DCDC1: variants seen among roughly 807,000 people sequenced by gnomAD.
DCDC1 encodes the protein doublecortin domain-containing protein 1.
DCDC1 carries 200 observed loss-of-function variants against 178.3 expected under a neutral mutation model. That is an observed-to-expected ratio of 1.12 (90% CI 1.00 to 1.26). The LOEUF is 1.26. Ranked by LOEUF, DCDC1 falls within the 50% of genes most tolerant of loss-of-function variation. The pLI, the probability that DCDC1 is intolerant of heterozygous loss-of-function variation, is 0.00. For synonymous variants in DCDC1, 690 were observed against 604.8 expected, an observed-to-expected ratio of 1.14 and a Z score of -2.07; for missense variants, 1,983 against 1,749.2, an observed-to-expected ratio of 1.13 and a Z score of -2.38.
intron 8 of DCDC1, among the ~76,000 whole-genome samples, chr11:31,247,065 C>A (rs974129299): frequency 6.6e-6 from 1 of 152,070 alleles, no homozygotes; most frequent in African/African-American, 2.4e-5. Context: ...TTGATTTGTA[C>A]GACAGGATCA....
At chr11:30,947,755 A>C (rs1179600092) in intron 21 of DCDC1, among the ~76,000 whole-genome samples, 1 of 152,192 alleles carries the variant, frequency 6.6e-6, no homozygotes, top group Admixed American at 6.5e-5. Flanking sequence ...ACAGCAAACG[A>C]AACAATCAAC....
At chr11:31,034,460 C>T (rs1186560927) in intron 20 of DCDC1, among the ~76,000 whole-genome samples, 2 of 152,186 alleles carry the variant, frequency 1.3e-5, no homozygotes, top group Non-Finnish European at 2.9e-5. Flanking sequence ...TTCAGCCCTA[C>T]AAGCTCCATT....
intron 2 of DCDC1, among the ~76,000 whole-genome samples, chr11:31,334,308 T>C (rs914416267): frequency 6.6e-5 from 10 of 152,234 alleles, no homozygotes; most frequent in Non-Finnish European, 1.3e-4. Flanking sequence ...TTTAGCTTCC[T>C]TGCAATGGGT....
At chr11:31,228,586 A>G (rs1975323201) in intron 9 of DCDC1, among the ~76,000 whole-genome samples, 1 of 152,036 alleles carries the variant, frequency 6.6e-6, no homozygotes, top group Non-Finnish European at 1.5e-5. Flanking sequence ...TAAATAGCAG[A>G]CCAAAAATAG....
Position 31,166,440 on chromosome 11 carries a change from G to C in DCDC1, c.1222-28656C>G, listed in dbSNP as rs79212749. 8.3e-3 allele frequency among the ~76,000 whole-genome samples: 1,260 copies of C among 152,250 alleles called. 22 individuals are homozygous for C. Among genetic ancestry groups the C allele is most frequent in the African/African-American group, 0.029 (1,206 of 41,548 alleles). ...TACAGCAGAGGGAATGCACCTTAAT[G>C]TATGCAAATTTAAAAATAAAAATAT... is the stretch of plus-strand genomic sequence containing the variant. On this transcript the variant is annotated intron_variant, in intron 9 of 38. Coordinates refer to ENST00000684477, the MANE Select transcript of DCDC1 (RefSeq NM_001387274.1).
At chr11:30,964,922 G>C (rs1256765803) in intron 20 of DCDC1, among the ~76,000 whole-genome samples, 1 of 152,118 alleles carries the variant, frequency 6.6e-6, no homozygotes, top group Non-Finnish European at 1.5e-5. Context: ...TCAGAGGTAT[G>C]AGAGGACATA....
At chr11:31,196,397 C>T (rs1970698740) in intron 9 of DCDC1, among the ~76,000 whole-genome samples, 1 of 151,920 alleles carries the variant, frequency 6.6e-6, no homozygotes, top group Non-Finnish European at 1.5e-5. Context: ...TTGCACAAGA[C>T]TATCCACCCC....
intron 34 of DCDC1, among the ~76,000 whole-genome samples, chr11:30,896,413 T>C (rs1432841436): frequency 6.6e-6 from 1 of 152,184 alleles, no homozygotes; most frequent in African/African-American, 2.4e-5. Flanking sequence ...CTTGGCCCAT[T>C]GTTTCTCTTA....
intron 8 of DCDC1, among the ~76,000 whole-genome samples, chr11:31,257,918 G>A (rs1944523957): frequency 6.6e-6 from 1 of 152,184 alleles, no homozygotes; most frequent in Non-Finnish European, 1.5e-5. Flanking sequence ...AGAGCAGACT[G>A]AGAACAATCC....
At chr11:31,197,394 A>G (rs1052009151) in intron 9 of DCDC1, among the ~76,000 whole-genome samples, 2 of 152,150 alleles carry the variant, frequency 1.3e-5, no homozygotes, top group Admixed American at 6.6e-5. Context: ...TCAGTATAGC[A>G]ATAATGATAA....
At position 30,967,409 on chromosome 11, in the gene DCDC1, C is replaced by T. The variant is rs181681373; in HGVS notation, c.2592-14841G>A. 4.2e-3 allele frequency among the ~76,000 whole-genome samples: 645 copies of T among 152,200 alleles called. 8 individuals are homozygous for T. Among genetic ancestry groups the T allele is most frequent in the African/African-American group, 0.015 (613 of 41,524 alleles). Reference sequence around the variant, plus strand: ...TCATGATTGTTTATCTAGAAAACCCCATCGTCTCAGCCCAAAATCTCCTTA... The same window carrying T: ...TCATGATTGTTTATCTAGAAAACCCTATCGTCTCAGCCCAAAATCTCCTTA... On this transcript the variant is annotated intron_variant, in intron 20 of 38. Transcript: ENST00000684477.
intron 1 of DCDC1, among the ~76,000 whole-genome samples, chr11:31,338,225 T>A (rs531156441): frequency 6.6e-6 from 1 of 152,162 alleles, no homozygotes; most frequent in Non-Finnish European, 1.5e-5. Flanking sequence ...GTGACTCTTG[T>A]GTTAATCCTA....
At chr11:31,151,500 A>T (rs1418190221) in intron 9 of DCDC1, among the ~76,000 whole-genome samples, 1 of 152,042 alleles carries the variant, frequency 6.6e-6, no homozygotes, top group Admixed American at 6.5e-5. Context: ...AACTTACCTA[A>T]CCTCTACTTC....
At chr11:30,961,127 C>A (rs1407634079) in intron 20 of DCDC1, among the ~76,000 whole-genome samples, 1 of 151,956 alleles carries the variant, frequency 6.6e-6, no homozygotes, top group East Asian at 1.9e-4. Flanking sequence ...TAATGGAAAA[C>A]AAAAATACTT....
At chr11:31,193,257 T>C (rs1033719148) in intron 9 of DCDC1, among the ~76,000 whole-genome samples, 2 of 152,020 alleles carry the variant, frequency 1.3e-5, no homozygotes, top group Non-Finnish European at 2.9e-5. Flanking sequence ...TATCTTTATA[T>C]ATGCTATTGT....
At chr11:30,868,961 C>A (rs1941283840) in intron 38 of DCDC1, among the ~76,000 whole-genome samples, 1 of 152,228 alleles carries the variant, frequency 6.6e-6, no homozygotes, top group African/African-American at 2.4e-5. Flanking sequence ...TGCCATTCAT[C>A]TTTCCTTAGC....
intron 9 of DCDC1, among the ~76,000 whole-genome samples, chr11:31,175,591 C>T (rs1033001110): frequency 6.6e-6 from 1 of 152,248 alleles, no homozygotes; most frequent in African/African-American, 2.4e-5. Flanking sequence ...CAGCCAGCCA[C>T]ACTCATGCAC....
intron 21 of DCDC1, among the ~76,000 whole-genome samples, chr11:30,949,349 G>A (rs1270684244): frequency 3.3e-5 from 5 of 152,098 alleles, no homozygotes; most frequent in African/African-American, 1.2e-4. Flanking sequence ...AAAAAGTCAG[G>A]AAACAACAGA....
At chr11:30,955,849 A>G (rs1325371417) in intron 20 of DCDC1, among the ~76,000 whole-genome samples, 1 of 152,166 alleles carries the variant, frequency 6.6e-6, no homozygotes, top group African/African-American at 2.4e-5. Context: ...AAAATAAATA[A>G]ATAAACCAAC....
Sources: gnomAD v4.1 joint callset for allele counts (sites outside exome capture counted in the v4.1 genomes callset) on GRCh38, gnomAD v4.1.1 for gene constraint, MANE v1.5 for transcripts, NCBI Gene and HGNC (gene_info 2026-07-23, HGNC 2026-07-21) for gene names.